MTUS2: variants seen among roughly 807,000 people sequenced by gnomAD.
MTUS2 encodes the protein microtubule associated scaffold protein 2, also known as microtubule-associated tumor suppressor candidate 2.
Under a neutral mutation model 114.1 loss-of-function variants are expected in MTUS2, and 40 were observed. That is an observed-to-expected ratio of 0.35 (90% confidence interval 0.27 to 0.46). The LOEUF (loss-of-function observed/expected upper bound fraction) is 0.46, where lower values mean the gene tolerates loss of function less well. Ranked by LOEUF, MTUS2 falls within the 20% of genes least tolerant of loss-of-function variation. MTUS2 has a pLI of 1.00. For missense variants in MTUS2, 1,679 were observed against 1,705.4 expected (o/e 0.98, Z 0.27); for synonymous variants, 688 against 672.0 (o/e 1.02, Z -0.37).
intron 2 of MTUS2, among the ~76,000 whole-genome samples, chr13:28,891,685 C>T (rs550287112): frequency 6.6e-6 from 1 of 151,966 alleles, no homozygotes; most frequent in Admixed American, 6.5e-5. Context: ...GGAGACTACC[C>T]TGACCAACAT....
chr13:28,881,148 C>G (rs548606874), intron 2 of MTUS2, among the ~76,000 whole-genome samples: 2 of 152,122 alleles, frequency 1.3e-5, no homozygotes, highest in Non-Finnish European at 2.9e-5. Flanking sequence ...CTTGGAGACC[C>G]CCAGTGTCTA....
intron 8 of MTUS2, among the ~76,000 whole-genome samples, chr13:29,439,372 G>C (rs1016839916): frequency 7.9e-5 from 12 of 152,082 alleles, no homozygotes; most frequent in African/African-American, 2.9e-4. Flanking sequence ...TGCACTAAAT[G>C]GTATTTCAAG....
intron 6 of MTUS2, among the ~76,000 whole-genome samples, chr13:29,312,828 G>A (rs1899828311): frequency 6.6e-6 from 1 of 152,128 alleles, no homozygotes; most frequent in South Asian, 2.1e-4. Context: ...GTTTCAAGCA[G>A]TATGTACAGG....
intron 5 of MTUS2, among the ~76,000 whole-genome samples, chr13:29,125,234 T>C (rs1891466363): frequency 6.6e-6 from 1 of 152,118 alleles, no homozygotes; most frequent in African/African-American, 2.4e-5. Flanking sequence ...GCCAATGGGG[T>C]GTAGGTGTTT....
intron 4 of MTUS2, among the ~76,000 whole-genome samples, chr13:29,078,440 G>C (rs943996885): frequency 6.6e-6 from 1 of 152,160 alleles, no homozygotes; most frequent in Non-Finnish European, 1.5e-5. Flanking sequence ...CTTAATGTAA[G>C]CCTATTCCTG....
chr13:28,827,426 C>A (rs1328644973), intron 1 of MTUS2, among the ~76,000 whole-genome samples: 6 of 152,034 alleles, frequency 3.9e-5, no homozygotes, highest in East Asian at 1.9e-4. Flanking sequence ...TGTCCTCTAC[C>A]CCCAAACTTT....
intron 10 of MTUS2, 177 bp from the exon 11 acceptor site, chr13:29,487,723 A>C (rs1593505591): frequency 1.6e-6 from 1 of 616,890 alleles, no homozygotes; most frequent in South Asian, 1.9e-5. Flanking sequence ...TGTGGCAGTG[A>C]CCTCCCCGTG....
chr13:28,883,403 T>A (rs1157130018), intron 2 of MTUS2, among the ~76,000 whole-genome samples: 1 of 152,134 alleles, frequency 6.6e-6, no homozygotes, highest in Non-Finnish European at 1.5e-5. Context: ...ACCACCAAAG[T>A]ATTCTTTAAT....
Position 29,480,195 on chromosome 13 carries a change from A to C in MTUS2, c.3230A>C (p.Glu1077Ala). Residue 1077 changes from glutamate to alanine, a missense_variant, in exon 10 of 16, where the codon GAG (glutamate) becomes GCG (alanine). By Grantham distance (107) the Glu-to-Ala change is moderately radical. Coordinates refer to ENST00000612955, the MANE Select transcript of MTUS2 (RefSeq NM_001033602.4). This position sits in a 1 kb window ranked among gnomAD's most constrained non-coding sequence, Gnocchi z 4.4. Reference protein sequence around the residue: ...KCEKLQKEKEELERRFEDEVK... With the variant: ...KCEKLQKEKEALERRFEDEVK... ...GAGAAACTACAAAAGGAGAAGGAGG[A>C]GCTGGAGAGGCGGTTCGAGGACGAG... 1 of 1,557,336 alleles carries C rather than the reference A, an allele frequency of 6.4e-7. No individual in the cohort carries two copies. Among genetic ancestry groups the C allele is most frequent in the Non-Finnish European group, 8.7e-7 (1 of 1,150,102 alleles).
chr13:29,505,422 T>A lies in MTUS2; in HGVS notation c.*2216T>A, dbSNP rs1883168378. The A allele has an allele frequency of 4.3e-6, 1 of 231,300 alleles. No individual in the cohort carries two copies. Among genetic ancestry groups the A allele is most frequent in the Non-Finnish European group, 8.6e-6 (1 of 116,946 alleles). 14.3% of individuals were successfully genotyped at this position (231,300 alleles called of 1,614,324 possible). On this transcript the variant is annotated 3_prime_UTR_variant, in exon 16 of 16. Transcript: ENST00000612955. ...CCTAACCTGCCCTGACCTTGGGTAC[T>A]TGAGCTAATTTCCACGTGGCCCTGG...
At chr13:29,159,310 A>C (rs904518964) in intron 5 of MTUS2, among the ~76,000 whole-genome samples, 1 of 152,292 alleles carries the variant, frequency 6.6e-6, no homozygotes, top group Admixed American at 6.5e-5. Context: ...TTCTCTCTCT[A>C]TGTGCATGTG....
intron 5 of MTUS2, among the ~76,000 whole-genome samples, chr13:29,223,833 A>T (rs995303905): frequency 1.3e-5 from 2 of 152,154 alleles, no homozygotes; most frequent in African/African-American, 4.8e-5. Context: ...CCCTCTTTGG[A>T]GTTCTGCAGT....
chr13:29,319,000 T>G (rs1482469306), intron 6 of MTUS2, among the ~76,000 whole-genome samples: 3 of 152,180 alleles, frequency 2.0e-5, no homozygotes, highest in African/African-American at 7.2e-5. Context: ...TCCTGCTGCC[T>G]TCTTCCTTCC....
chr13:29,251,292 G>GATAATA (rs10526021), intron 5 of MTUS2, among the ~76,000 whole-genome samples: 22,710 of 146,270 alleles, frequency 0.16, 2,003 homozygotes, highest in South Asian at 0.28. Flanking sequence ...ATGGGATGAT[G>GATAATA]ATAATAATAA....
intron 2 of MTUS2, among the ~76,000 whole-genome samples, chr13:28,852,535 G>A (rs1014802724): frequency 1.3e-5 from 2 of 152,084 alleles, no homozygotes; most frequent in African/African-American, 4.8e-5. Context: ...AAATATATTT[G>A]TTTCTGAGCA....
At chr13:29,174,505 C>A (rs1460097201) in intron 5 of MTUS2, among the ~76,000 whole-genome samples, 1 of 152,158 alleles carries the variant, frequency 6.6e-6, no homozygotes, top group African/African-American at 2.4e-5. Flanking sequence ...TATTATGCCA[C>A]AGAAACAGGG....
chr13:28,870,850 TTA>T (rs1877576323), intron 2 of MTUS2, among the ~76,000 whole-genome samples: 1 of 152,200 alleles, frequency 6.6e-6, no homozygotes, highest in South Asian at 2.1e-4. Flanking sequence ...TTGTTCAGTT[TTA>T]GTTCTTGCCA....
chr13:29,347,022 G>C (rs1868765061), intron 7 of MTUS2, among the ~76,000 whole-genome samples: 1 of 151,350 alleles, frequency 6.6e-6, no homozygotes, highest in Non-Finnish European at 1.5e-5. Context: ...GTGTCATGGA[G>C]CCCGCAGCCA....
chr13:29,184,998 G>A (rs950571860), intron 5 of MTUS2, among the ~76,000 whole-genome samples: 1 of 151,908 alleles, frequency 6.6e-6, no homozygotes, highest in Admixed American at 6.6e-5. Flanking sequence ...ATATGTTCAA[G>A]TAACTAAAAG....
Sources: allele counts gnomAD v4.1 joint callset (sites outside exome capture counted in the v4.1 genomes callset), GRCh38; gene constraint gnomAD v4.1.1; non-coding constraint Gnocchi (gnomAD v3.1); transcripts MANE v1.5; gene names NCBI Gene and HGNC (gene_info 2026-07-23, HGNC 2026-07-21).